Variants in ZFAND3 observed in about 807,000 individuals in gnomAD.
ZFAND3 encodes the protein AN1-type zinc finger protein 3.
ZFAND3 carries 10 observed loss-of-function variants against 29.6 expected under a neutral mutation model. The ratio of observed to expected loss-of-function variants is 0.34; its 90% CI spans 0.21 to 0.57. The LOEUF (loss-of-function observed/expected upper bound fraction) is 0.57, where lower values mean the gene tolerates loss of function less well. ZFAND3 is among the 20% of genes least tolerant of loss of function. The probability of loss-of-function intolerance (pLI) is 0.86; values close to 1 mark genes in which losing one functional copy is unlikely to be tolerated. For synonymous variants in ZFAND3, 128 were observed against 112.6 expected (o/e 1.14, Z -0.87); for missense variants, 230 against 304.5 (o/e 0.76, Z 1.82).
intron 2 of ZFAND3, 139 bp downstream of exon 2, chr6:37,930,138 A>C: frequency 1.2e-6 from 1 of 831,410 alleles, no homozygotes; most frequent in Non-Finnish European, 1.8e-6. Context: ...GTGAGAAAGC[A>C]GTTTCACCTT....
At chr6:38,014,333 T>TA (rs1763216467) in intron 2 of ZFAND3, among the ~76,000 whole-genome samples, 1 of 145,392 alleles carries the variant, frequency 6.9e-6, no homozygotes, top group African/African-American at 2.5e-5. Context: ...TATTATTATT[T>TA]TTTTTTTTTT....
At chr6:38,063,425 A>T (rs764551489) in intron 3 of ZFAND3, among the ~76,000 whole-genome samples, 3 of 152,230 alleles carry the variant, frequency 2.0e-5, no homozygotes, top group Non-Finnish European at 4.4e-5. Flanking sequence ...TGCATCACAT[A>T]GGACAGTCCT....
chr6:38,011,834 T>C (rs2127443994), intron 2 of ZFAND3, among the ~76,000 whole-genome samples: 1 of 152,274 alleles, frequency 6.6e-6, no homozygotes, highest in East Asian at 1.9e-4. Context: ...ATTAAGAGGA[T>C]TCGGGGAAGG....
intron 2 of ZFAND3, among the ~76,000 whole-genome samples, chr6:38,049,659 C>T (rs1188344781): frequency 6.6e-6 from 1 of 152,132 alleles, no homozygotes; most frequent in African/African-American, 2.4e-5. Context: ...TATTCTGATA[C>T]CTTGGATTCA....
chr6:38,038,155 A>G (rs368215374), intron 2 of ZFAND3, among the ~76,000 whole-genome samples: 1 of 152,290 alleles, frequency 6.6e-6, no homozygotes, highest in African/African-American at 2.4e-5. Context: ...CGAGGCCTCT[A>G]GTCTTTCACA....
At chr6:37,847,642 A>G (rs1764206487) in intron 1 of ZFAND3, among the ~76,000 whole-genome samples, 1 of 152,168 alleles carries the variant, frequency 6.6e-6, no homozygotes, top group South Asian at 2.1e-4. Flanking sequence ...TATTCTCCAT[A>G]ATATGATACA....
chr6:37,835,331 A>AT (rs1763946190), intron 1 of ZFAND3, among the ~76,000 whole-genome samples: 1 of 151,600 alleles, frequency 6.6e-6, no homozygotes, highest in Admixed American at 6.6e-5. Flanking sequence ...GCTAACTTAA[A>AT]TTTTTTGTAG....
intron 3 of ZFAND3, among the ~76,000 whole-genome samples, chr6:38,071,856 G>A (rs893623732): frequency 2.6e-5 from 4 of 152,160 alleles, no homozygotes; most frequent in African/African-American, 9.7e-5. Flanking sequence ...TAAATGGTTA[G>A]TGATTTAAAT....
At chr6:38,120,316 C>T (rs1316761281) in intron 5 of ZFAND3, among the ~76,000 whole-genome samples, 43 of 95,312 alleles carry the variant, frequency 4.5e-4, no homozygotes, top group African/African-American at 1.6e-3. Context: ...CGTAGCTTGG[C>T]TTCCTTTTTT....
chr6:38,072,055 T>TA (rs994870399), intron 3 of ZFAND3, among the ~76,000 whole-genome samples: 23 of 152,300 alleles, frequency 1.5e-4, no homozygotes, highest in African/African-American at 5.5e-4. Context: ...GCAGTGTCCC[T>TA]ACCAGATTTT....
At chr6:37,861,707 G>A (rs980347017) in intron 1 of ZFAND3, among the ~76,000 whole-genome samples, 4 of 152,134 alleles carry the variant, frequency 2.6e-5, no homozygotes, top group Admixed American at 1.3e-4. Flanking sequence ...TGCTCCTCTA[G>A]CAATAACTTC....
At chr6:37,974,283 C>T (rs1318852136) in intron 2 of ZFAND3, among the ~76,000 whole-genome samples, 2 of 152,100 alleles carry the variant, frequency 1.3e-5, no homozygotes, top group Admixed American at 1.3e-4. Flanking sequence ...CAGCTGGTCT[C>T]GAACTTCTGA....
At chr6:37,899,041 G>T (rs537471763) in intron 1 of ZFAND3, among the ~76,000 whole-genome samples, 20 of 152,198 alleles carry the variant, frequency 1.3e-4, no homozygotes, top group African/African-American at 4.6e-4. Context: ...TACTACAGGC[G>T]CCCGCCACCA....
intron 4 of ZFAND3, among the ~76,000 whole-genome samples, chr6:38,082,690 T>C (rs530276794): frequency 1.3e-5 from 2 of 152,282 alleles, no homozygotes; most frequent in South Asian, 4.1e-4. Context: ...CATCAAAATA[T>C]ACATAATTTC....
chr6:37,983,210 G>C (rs1026152593), intron 2 of ZFAND3, among the ~76,000 whole-genome samples: 1 of 152,024 alleles, frequency 6.6e-6, no homozygotes, highest in Non-Finnish European at 1.5e-5. Context: ...GGTGTACCAT[G>C]TGTACCGTTT....
intron 2 of ZFAND3, among the ~76,000 whole-genome samples, chr6:37,960,424 C>T (rs1762174323): frequency 1.3e-5 from 2 of 152,212 alleles, no homozygotes; most frequent in African/African-American, 4.8e-5. Context: ...TATACATATA[C>T]ACCCTTTACT....
chr6:38,021,407 T>C (rs548033741), intron 2 of ZFAND3, among the ~76,000 whole-genome samples: 12 of 152,306 alleles, frequency 7.9e-5, no homozygotes, highest in African/African-American at 2.9e-4. Flanking sequence ...TCATATGAGT[T>C]AGTGATTCCC....
intron 2 of ZFAND3, among the ~76,000 whole-genome samples, chr6:37,938,279 T>G (rs1391786654): frequency 6.6e-6 from 1 of 152,230 alleles, no homozygotes; most frequent in Non-Finnish European, 1.5e-5. Flanking sequence ...ATGTCTAGAT[T>G]TACCTAGAAC....
intron 2 of ZFAND3, among the ~76,000 whole-genome samples, chr6:38,041,669 T>C (rs1346589686): frequency 4.0e-3 from 91 of 22,942 alleles, no homozygotes; most frequent in African/African-American, 9.0e-3. Context: ...TTCTTCTTCT[T>C]CTTCTTCTTC....
Sources: allele counts gnomAD v4.1 joint callset (sites outside exome capture counted in the v4.1 genomes callset), GRCh38; gene constraint gnomAD v4.1.1; transcripts MANE v1.5; gene names NCBI Gene and HGNC (gene_info 2026-07-23, HGNC 2026-07-21).